The following FBXL17 variants were observed in gnomAD, a reference collection of about 807,000 sequenced individuals.
FBXL17 encodes the protein F-box/LRR-repeat protein 17.
In FBXL17, 22 loss-of-function variants were observed where a neutral mutation model predicts 66.2. That is an observed-to-expected ratio of 0.33 (90% confidence interval 0.24 to 0.47). FBXL17 has a LOEUF of 0.47. Ranked by LOEUF, FBXL17 falls within the 20% of genes least tolerant of loss-of-function variation. The pLI, the probability that FBXL17 is intolerant of heterozygous loss-of-function variation, is 1.00. For missense variants in FBXL17, 878 were observed against 948.2 expected (o/e 0.93, Z 0.97); for synonymous variants, 474 against 400.5 (o/e 1.18, Z -2.19).
intron 6 of FBXL17, among the ~76,000 whole-genome samples, chr5:108,077,128 A>G (rs2149914890): frequency 6.6e-6 from 1 of 152,330 alleles, no homozygotes; most frequent in Middle Eastern, 3.4e-3. Context: ...GTCTGATGGT[A>G]AATACTTGGC....
intron 3 of FBXL17, among the ~76,000 whole-genome samples, chr5:108,363,080 T>A: frequency 6.6e-6 from 1 of 151,994 alleles, no homozygotes. Context: ...CATAGCACTG[T>A]CAGTTTACTA....
chr5:108,315,339 T>A (rs1309952445), intron 4 of FBXL17, among the ~76,000 whole-genome samples: 1 of 151,394 alleles, frequency 6.6e-6, no homozygotes, highest in East Asian at 1.9e-4. Flanking sequence ...ATCATCAAGA[T>A]TCTTCCATTT....
chr5:107,905,537 G>A (rs1749724298), intron 7 of FBXL17, among the ~76,000 whole-genome samples: 1 of 152,064 alleles, frequency 6.6e-6, no homozygotes, highest in African/African-American at 2.4e-5. Context: ...AACATATACT[G>A]AGTATATATT....
intron 4 of FBXL17, among the ~76,000 whole-genome samples, chr5:108,329,420 T>A (rs540253102): frequency 6.6e-6 from 1 of 152,262 alleles, no homozygotes; most frequent in African/African-American, 2.4e-5. Flanking sequence ...CTTTCCCTAG[T>A]ATTAAGACCA....
chr5:108,006,427 A>C (rs1231324044), intron 7 of FBXL17, among the ~76,000 whole-genome samples: 4 of 152,222 alleles, frequency 2.6e-5, no homozygotes, highest in Non-Finnish European at 5.9e-5. Context: ...AAGAAAGTGA[A>C]GCATCAGGGA....
chr5:107,932,519 C>T (rs955671600), intron 7 of FBXL17, among the ~76,000 whole-genome samples: 3 of 152,120 alleles, frequency 2.0e-5, no homozygotes, highest in Non-Finnish European at 4.4e-5. Context: ...AAATAAAGTG[C>T]TGACCATTGT....
rs377321799 is a variant in FBXL17 at position 108,092,325 on chromosome 5, A to T, written c.1746-71324T>A. Among the ~76,000 whole-genome samples the T allele has an allele frequency of 2.4e-4, 37 of 152,200 alleles. No homozygotes were observed. In the South Asian group the frequency reaches 7.5e-3, roughly 31 times the overall value. ...ATGAGTCTCTTTATTAGTTTTTTTT[A>T]GGCAGGGTCTCACTCCTGTTGCACA... On this transcript the variant is annotated intron_variant, in intron 6 of 8. Transcript: ENST00000542267.
chr5:108,380,821 G>C lies in FBXL17; in HGVS notation c.871C>G (p.Gln291Glu). 8.0e-7 allele frequency: 1 copy of C among 1,248,166 alleles called. No individual in the cohort carries two copies. Among genetic ancestry groups the C allele is most frequent in the East Asian group, 3.2e-5 (1 of 31,660 alleles). 77.3% of individuals were successfully genotyped at this position (1,248,166 alleles called of 1,614,324 possible). A position where few individuals can be genotyped will look rare whatever the true frequency, so the allele number is the denominator to read the frequency against. ...AGGTAPLSAQ[Q>E]QHECGDADCR... is the part of the protein sequence containing the mutation. ...TCCGCGTCGCCACATTCATGCTGCT[G>C]CTGGGCGGACAAGGGGGCGGTGCCC... The change falls in exon 1 of 9, where the codon CAG (glutamine) becomes GAG (glutamate). Residue 291 changes from glutamine (Q) to glutamate (E), a missense_variant. This residue lies in a region of FBXL17 where 605 missense variants were observed against 509.5 expected (regional missense o/e 1.19). Coordinates refer to ENST00000542267, the MANE Select transcript of FBXL17 (RefSeq NM_001163315.3).
chr5:108,140,282 G>A (rs987226267), intron 6 of FBXL17, among the ~76,000 whole-genome samples: 1 of 152,156 alleles, frequency 6.6e-6, no homozygotes, highest in Non-Finnish European at 1.5e-5. Context: ...CTGGGGTCAA[G>A]TGACCCACCT....
At chr5:107,997,186 G>A (rs6880003) in intron 7 of FBXL17, among the ~76,000 whole-genome samples, 26,544 of 152,050 alleles carry the variant, frequency 0.17, 6,465 homozygotes, top group African/African-American at 0.54. Context: ...TGTTTCTACT[G>A]TTTACATTGT....
chr5:108,258,356 C>G (rs1756665577), intron 4 of FBXL17, among the ~76,000 whole-genome samples: 1 of 152,060 alleles, frequency 6.6e-6, no homozygotes, highest in South Asian at 2.1e-4. Context: ...TTTAGGCCAC[C>G]CAGTCTATGG....
At chr5:108,202,542 A>G (rs1025089059) in intron 5 of FBXL17, among the ~76,000 whole-genome samples, 1 of 152,160 alleles carries the variant, frequency 6.6e-6, no homozygotes, top group East Asian at 1.9e-4. Flanking sequence ...AGGGAGATGC[A>G]ATCCAAGACT....
At chr5:108,194,898 A>C (rs573880762) in intron 5 of FBXL17, among the ~76,000 whole-genome samples, 2 of 152,302 alleles carry the variant, frequency 1.3e-5, no homozygotes, top group Non-Finnish European at 2.9e-5. Flanking sequence ...GTTGATCTCA[A>C]CCTGGACTGG....
At chr5:107,971,399 G>A (rs927711566) in intron 7 of FBXL17, among the ~76,000 whole-genome samples, 4 of 152,124 alleles carry the variant, frequency 2.6e-5, no homozygotes, top group African/African-American at 4.8e-5. Context: ...TTTTCAAGGC[G>A]CACTGCCACA....
chr5:108,234,228 C>T (rs1262363681), intron 4 of FBXL17, among the ~76,000 whole-genome samples: 2 of 152,132 alleles, frequency 1.3e-5, no homozygotes, highest in Non-Finnish European at 2.9e-5. Context: ...AGACGGCTCA[C>T]ACTCAGCCGA....
intron 4 of FBXL17, among the ~76,000 whole-genome samples, chr5:108,275,105 T>C (rs1757431259): frequency 6.6e-6 from 1 of 152,200 alleles, no homozygotes; most frequent in South Asian, 2.1e-4. Context: ...TATACACACA[T>C]ATTTAATCTC....
chr5:108,365,471 C>G (rs1208390993), intron 2 of FBXL17, among the ~76,000 whole-genome samples: 1 of 152,074 alleles, frequency 6.6e-6, no homozygotes, highest in Admixed American at 6.6e-5. Context: ...TGGTAAACAA[C>G]ATCAAAGTGC....
intron 4 of FBXL17, among the ~76,000 whole-genome samples, chr5:108,331,293 C>T (rs555783904): frequency 6.6e-6 from 1 of 152,284 alleles, no homozygotes; most frequent in Admixed American, 6.5e-5. Flanking sequence ...TATGAGCACA[C>T]ATTTTTTATT....
intron 5 of FBXL17, among the ~76,000 whole-genome samples, chr5:108,210,667 T>C (rs996670299): frequency 3.3e-5 from 5 of 152,240 alleles, no homozygotes; most frequent in African/African-American, 1.2e-4. Flanking sequence ...TGCACTGTGG[T>C]GTGAGAGACT....
Sources: allele counts gnomAD v4.1 joint callset (sites outside exome capture counted in the v4.1 genomes callset), GRCh38; gene constraint gnomAD v4.1.1; regional missense constraint gnomAD v4.1.1; transcripts MANE v1.5; gene names NCBI Gene and HGNC (gene_info 2026-07-23, HGNC 2026-07-21).